The following TEK variants were observed in gnomAD, a reference collection of about 807,000 sequenced individuals.
The protein encoded by TEK is angiopoietin-1 receptor.
A neutral mutation model predicts 131.8 loss-of-function variants in TEK; 43 were observed. That is an observed-to-expected ratio of 0.33 (90% CI 0.26 to 0.42). The LOEUF (loss-of-function observed/expected upper bound fraction) is 0.42. Ranked by LOEUF, TEK falls within the 10% of genes least tolerant of loss-of-function variation. The pLI is 1.00. For missense variants in TEK, 1,162 were observed against 1,384.4 expected, an observed-to-expected ratio of 0.84 and a Z score of 2.55; for synonymous variants, 580 against 491.6, an observed-to-expected ratio of 1.18 and a Z score of -2.38.
At chr9:27,226,211 C>T (rs150844537) in intron 21 of TEK, among the ~76,000 whole-genome samples, 1 of 152,172 alleles carries the variant, frequency 6.6e-6, no homozygotes, top group African/African-American at 2.4e-5. Context: ...TACCATTTGA[C>T]CCAGCCATCC....
chr9:27,125,462 T>G (rs1821953081), intron 1 of TEK, among the ~76,000 whole-genome samples: 1 of 152,188 alleles, frequency 6.6e-6, no homozygotes, highest in Admixed American at 6.5e-5. Context: ...AGAGGCCCCC[T>G]TTTTCTCTCC....
At chr9:27,219,915 G>A in intron 20 of TEK, 134 bp from the exon 21 acceptor site, 2 of 869,558 alleles carry the variant, frequency 2.3e-6, no homozygotes, top group Non-Finnish European at 3.9e-6. Context: ...GTTTGCCAAG[G>A]GAGGCATGCA....
intron 10 of TEK, among the ~76,000 whole-genome samples, chr9:27,191,485 T>C (rs1003431274): frequency 9.9e-5 from 15 of 152,152 alleles, no homozygotes; most frequent in African/African-American, 3.4e-4. Flanking sequence ...ACTAACATGC[T>C]TGTAGGCAGC....
At chr9:27,206,446 C>A (rs1046805505) in intron 14 of TEK, 136 bp from the exon 15 acceptor site, 2 of 1,055,544 alleles carry the variant, frequency 1.9e-6, no homozygotes, top group African/African-American at 3.2e-5. Context: ...GTGATGAAAA[C>A]CTATTTCCCT....
At chr9:27,109,927 T>C (rs1476086838) in intron 1 of TEK, among the ~76,000 whole-genome samples, 3 of 152,218 alleles carry the variant, frequency 2.0e-5, no homozygotes, top group Non-Finnish European at 4.4e-5. Context: ...CCCCTTACTA[T>C]CATGCATTAT....
At chr9:27,221,398 C>T (rs1340031913) in intron 21 of TEK, among the ~76,000 whole-genome samples, 2 of 152,198 alleles carry the variant, frequency 1.3e-5, no homozygotes, top group Non-Finnish European at 2.9e-5. Context: ...CAGTGGATCT[C>T]CCAGCACAGC....
chr9:27,185,662 C>T (rs1824574102), intron 9 of TEK, 33 bp downstream of exon 9: 1 of 1,612,752 alleles, frequency 6.2e-7, no homozygotes, highest in East Asian at 2.2e-5. Flanking sequence ...GGGATTGTGT[C>T]CTTGATGCAT....
intron 1 of TEK, among the ~76,000 whole-genome samples, chr9:27,149,762 TGGGTGTG>T (rs1159737513): frequency 6.6e-6 from 1 of 152,144 alleles, no homozygotes. Flanking sequence ...TGCTTGGTTG[TGGGTGTG>T]GGTATGTACG....
At chr9:27,219,167 C>A (rs1825944973) in intron 20 of TEK, among the ~76,000 whole-genome samples, 1 of 152,130 alleles carries the variant, frequency 6.6e-6, no homozygotes, top group African/African-American at 2.4e-5. Flanking sequence ...GTAATAATTT[C>A]ATGTATACCC....
intron 14 of TEK, among the ~76,000 whole-genome samples, chr9:27,205,818 C>T (rs1001112151): frequency 2.0e-5 from 3 of 152,116 alleles, no homozygotes; most frequent in African/African-American, 7.2e-5. Context: ...GCATTGAGTG[C>T]AATGATTCAA....
chr9:27,171,485 G>A (rs1400390348), intron 4 of TEK, among the ~76,000 whole-genome samples: 1 of 152,170 alleles, frequency 6.6e-6, no homozygotes. Context: ...TGTATAATTA[G>A]CTAAATAAAT....
chr9:27,183,910 A>G (rs1231683175), intron 8 of TEK, among the ~76,000 whole-genome samples: 2 of 152,158 alleles, frequency 1.3e-5, no homozygotes, highest in Non-Finnish European at 2.9e-5. Context: ...GGGGAGAAGT[A>G]CGTGTCAATC....
chr9:27,114,987 A>G (rs2131028921), intron 1 of TEK, among the ~76,000 whole-genome samples: 1 of 152,352 alleles, frequency 6.6e-6, no homozygotes, highest in Admixed American at 6.5e-5. Context: ...CTGTCCTGGA[A>G]ACTAGGAATA....
At chr9:27,143,571 T>G (rs775792846) in intron 1 of TEK, among the ~76,000 whole-genome samples, 1 of 152,232 alleles carries the variant, frequency 6.6e-6, no homozygotes, top group Non-Finnish European at 1.5e-5. Flanking sequence ...ATATCTGATT[T>G]GAACATTTAA....
At chr9:27,171,647 A>G (rs868510156) in intron 4 of TEK, among the ~76,000 whole-genome samples, 2 of 152,264 alleles carry the variant, frequency 1.3e-5, no homozygotes, top group South Asian at 4.1e-4. Flanking sequence ...CGTACCCAAG[A>G]CCTATTTCCT....
At chr9:27,182,156 G>A (rs775103355) in intron 7 of TEK, among the ~76,000 whole-genome samples, 10 of 152,084 alleles carry the variant, frequency 6.6e-5, no homozygotes, top group Non-Finnish European at 1.3e-4. Context: ...GTTCCTTCCC[G>A]TCTGTTCCCT....
intron 1 of TEK, among the ~76,000 whole-genome samples, chr9:27,143,984 A>G (rs16911095): frequency 0.018 from 2,739 of 152,282 alleles, 90 homozygotes; most frequent in African/African-American, 0.061. Context: ...AGTATAGCTC[A>G]TGAAAAACTG....
intron 1 of TEK, among the ~76,000 whole-genome samples, chr9:27,131,033 A>G (rs1394435914): frequency 1.3e-5 from 2 of 152,242 alleles, no homozygotes; most frequent in Admixed American, 6.5e-5. Context: ...AAATCAAATC[A>G]AAACAAGATA....
chr9:27,173,003 A>G (rs1055571222), intron 5 of TEK, among the ~76,000 whole-genome samples: 1 of 152,088 alleles, frequency 6.6e-6, no homozygotes, highest in African/African-American at 2.4e-5. Context: ...TGCACTGCAC[A>G]AACCTGCATG....
Sources: allele counts gnomAD v4.1 joint callset (sites outside exome capture counted in the v4.1 genomes callset), GRCh38; gene constraint gnomAD v4.1.1; transcripts MANE v1.5; gene names NCBI Gene and HGNC (gene_info 2026-07-23, HGNC 2026-07-21).